JDP2: variants seen among roughly 807,000 people sequenced by gnomAD.
The protein encoded by JDP2 is progesterone receptor co-activator.
A neutral mutation model predicts 17.1 loss-of-function variants in JDP2; 9 were observed. The ratio of observed to expected loss-of-function variants is 0.53; its 90% CI spans 0.32 to 0.92. The LOEUF (loss-of-function observed/expected upper bound fraction) is 0.92, where lower values mean the gene tolerates loss of function less well. Ranked by LOEUF, JDP2 falls within the 40% of genes least tolerant of loss-of-function variation. The pLI, the probability that JDP2 is intolerant of heterozygous loss-of-function variation, is 0.04. For missense variants in JDP2, 179 were observed against 220.0 expected (o/e 0.81, Z 1.18); for synonymous variants, 107 against 95.6 (o/e 1.12, Z -0.69).
chr14:75,433,345 G>C (rs1438239934), intron 1 of JDP2, among the ~76,000 whole-genome samples: 1 of 149,136 alleles, frequency 6.7e-6, no homozygotes, highest in Non-Finnish European at 1.5e-5. Context: ...AAAAATGAGA[G>C]AGGAAAACCA....
rs558496551 is a variant in JDP2, at chr14:75,468,967, G to A, written c.307-323G>A. On this transcript the variant is annotated intron_variant, in intron 3 of 3. Transcript: ENST00000651602. The stretch of plus-strand genomic sequence containing the variant: ...TTTCTTTCTTGTGCAAAGGCCCTGA[G>A]GCGGCAGAGTATTTGGCATATTTGA... 7.9e-5 allele frequency among the ~76,000 whole-genome samples: 12 copies of A among 152,360 alleles called. No homozygotes were observed. The East Asian group carries it at 1.9e-3, about 24-fold the overall frequency.
intron 2 of JDP2, among the ~76,000 whole-genome samples, chr14:75,452,836 A>G (rs1885926310): frequency 6.6e-6 from 1 of 151,958 alleles, no homozygotes; most frequent in Non-Finnish European, 1.5e-5. Context: ...TAGACTGACC[A>G]TTTGTCTTGA....
intron 2 of JDP2, 94 bp from the exon 3 acceptor site, chr14:75,461,331 AG>A (rs1472679569): frequency 1.1e-6 from 1 of 888,484 alleles, no homozygotes; most frequent in Non-Finnish European, 1.8e-6. Flanking sequence ...GATGTGGGTT[AG>A]AAAGGCGAAG....
chr14:75,432,627 C>G (rs1884861485), intron 1 of JDP2, among the ~76,000 whole-genome samples: 2 of 152,222 alleles, frequency 1.3e-5, no homozygotes, highest in Admixed American at 6.5e-5. Flanking sequence ...ACGTGCACAC[C>G]CATTCCTATT....
In JDP2 at chr14:75,428,573, G is replaced by C. The variant is rs1884646607; in HGVS notation, c.-24+321G>C. 6.6e-6 allele frequency: 1 copy of C among 152,292 alleles called. No individual in the cohort carries two copies. The highest frequency in any genetic ancestry group is 1.5e-5 in the Non-Finnish European group (1 of 68,120). 9.4% of individuals were successfully genotyped at this position (152,292 alleles called of 1,614,324 possible). On this transcript the variant is annotated intron_variant, in intron 1 of 3. Transcript: ENST00000651602. The surrounding 1 kb of genome is among the most constrained non-coding windows in gnomAD (Gnocchi z 5.6). ...GCTCTCCTCCCCCGTCCGTTTGCAG[G>C]GAGGTGCTCTCCTCGGGCGGCGGGG... is the stretch of plus-strand genomic sequence containing the variant.
intron 2 of JDP2, among the ~76,000 whole-genome samples, chr14:75,453,643 A>G (rs1885970325): frequency 2.0e-5 from 3 of 152,198 alleles, no homozygotes; most frequent in African/African-American, 7.2e-5. Context: ...TTCCTGTACA[A>G]GTGAGGAATG....
intron 1 of JDP2, among the ~76,000 whole-genome samples, chr14:75,434,394 T>C (rs1455368770): frequency 6.6e-6 from 1 of 152,046 alleles, no homozygotes; most frequent in Non-Finnish European, 1.5e-5. Context: ...GAGGGCTTTG[T>C]GGTTTATATC....
intron 2 of JDP2, among the ~76,000 whole-genome samples, chr14:75,458,899 G>C (rs530055532): frequency 3.3e-5 from 5 of 152,334 alleles, no homozygotes; most frequent in African/African-American, 1.2e-4. Flanking sequence ...AGAGGGTGAT[G>C]CAGGAGGGGA....
At chr14:75,447,939 G>A (rs1010170234) in intron 2 of JDP2, among the ~76,000 whole-genome samples, 13 of 152,100 alleles carry the variant, frequency 8.5e-5, no homozygotes, top group East Asian at 1.9e-4. Context: ...GATTACAGGC[G>A]TGAGCCACTG....
At chr14:75,468,579 A>G (rs1886671353) in intron 3 of JDP2, among the ~76,000 whole-genome samples, 1 of 151,846 alleles carries the variant, frequency 6.6e-6, no homozygotes, top group African/African-American at 2.4e-5. Context: ...TTCCCCTGGA[A>G]CCTCTCCAGC....
intron 1 of JDP2, among the ~76,000 whole-genome samples, chr14:75,433,584 T>A (rs1189549063): frequency 2.0e-5 from 3 of 146,588 alleles, no homozygotes; most frequent in African/African-American, 7.8e-5. Context: ...TCCTCTTGGA[T>A]CCATCTGGTC....
Position 75,469,599 on chromosome 14 carries a change from C to T in JDP2, c.*124C>T, listed in dbSNP as rs1886730665. 2 of 802,742 alleles carry T rather than the reference C, an allele frequency of 2.5e-6. No individual in the cohort carries two copies. The highest frequency in any genetic ancestry group is 3.9e-6 in the Non-Finnish European group (2 of 516,768). The allele number at this position is 802,742 out of a possible 1,614,324, so 49.7% of individuals were successfully genotyped here. Reference sequence around the variant, plus strand: ...TGAAAAACTGTACAATGAGGTTCAGCACAGCCAGCATCAGCCGAGCTTTTT... The same window carrying T: ...TGAAAAACTGTACAATGAGGTTCAGTACAGCCAGCATCAGCCGAGCTTTTT... On this transcript the variant is annotated 3_prime_UTR_variant, in exon 4 of 4. Transcript: ENST00000651602.
At chr14:75,432,274 T>C (rs1303302635) in intron 1 of JDP2, 19 of 1,542,816 alleles carry the variant, frequency 1.2e-5, no homozygotes, top group Non-Finnish European at 1.7e-5. Flanking sequence ...GAGGTCATCC[T>C]GGGTGATTCC....
intron 2 of JDP2, among the ~76,000 whole-genome samples, chr14:75,460,871 C>T (rs1886320692): frequency 6.6e-6 from 1 of 152,146 alleles, no homozygotes; most frequent in African/African-American, 2.4e-5. Flanking sequence ...CAGAATACCA[C>T]CAACTGAGTA....
intron 1 of JDP2, chr14:75,432,381 T>C: frequency 6.5e-7 from 1 of 1,538,054 alleles, no homozygotes; most frequent in Non-Finnish European, 8.8e-7. Flanking sequence ...TCTGACCTTC[T>C]CTGTGGACTC....
chr14:75,466,206 C>T (rs1194025403), intron 3 of JDP2, among the ~76,000 whole-genome samples: 2 of 152,106 alleles, frequency 1.3e-5, no homozygotes, highest in Non-Finnish European at 2.9e-5. Flanking sequence ...TTTGGGAGGC[C>T]GAGGCAGGCA....
At chr14:75,437,180 A>G (rs1447628046) in intron 1 of JDP2, among the ~76,000 whole-genome samples, 1 of 151,886 alleles carries the variant, frequency 6.6e-6, no homozygotes, top group African/African-American at 2.4e-5. Flanking sequence ...GGCAAAAAAA[A>G]AAAAAAAAAA....
At chr14:75,449,203 A>C (rs1377992749) in intron 2 of JDP2, among the ~76,000 whole-genome samples, 10 of 152,248 alleles carry the variant, frequency 6.6e-5, no homozygotes, top group Admixed American at 5.2e-4. Context: ...GTAGAGAATA[A>C]TTAAGCCAAG....
intron 1 of JDP2, among the ~76,000 whole-genome samples, chr14:75,433,039 T>G (rs1452484475): frequency 6.6e-6 from 1 of 151,074 alleles, no homozygotes; most frequent in African/African-American, 2.4e-5. Flanking sequence ...CCGTCTCTAC[T>G]AAAAAATTAG....
Sources: gnomAD v4.1 joint callset for allele counts (sites outside exome capture counted in the v4.1 genomes callset) on GRCh38, gnomAD v4.1.1 for gene constraint, Gnocchi (gnomAD v3.1) non-coding constraint, MANE v1.5 for transcripts, NCBI Gene and HGNC (gene_info 2026-07-23, HGNC 2026-07-21) for gene names.